The following TBC1D5 variants were observed in gnomAD, a reference collection of about 807,000 sequenced individuals.
The protein encoded by TBC1D5 is TBC1 domain family member 5.
Under a neutral mutation model 100.3 loss-of-function variants are expected in TBC1D5, and 75 were observed. That is an observed-to-expected ratio of 0.75 (90% CI 0.62 to 0.91). TBC1D5 has a LOEUF of 0.91. Among genes scored for constraint, TBC1D5 ranks in the 40% least tolerant of loss-of-function variants. TBC1D5 has a pLI of 0.00. For synonymous variants in TBC1D5, 323 were observed against 325.6 expected (o/e 0.99, Z 0.09); for missense variants, 910 against 942.4 (o/e 0.97, Z 0.45).
chr3:17,533,957 G>A (rs1193906304), intron 2 of TBC1D5, among the ~76,000 whole-genome samples: 1 of 151,692 alleles, frequency 6.6e-6, no homozygotes. Context: ...TGTGAAGTAT[G>A]TGATTCTCTC....
chr3:17,161,086 T>C lies in TBC1D5; in HGVS notation c.2265A>G (p.Pro755=), dbSNP rs763821823. ...CCATCAGTGGATCTGAGAACACCAG[T>C]GGGGAGCAGACTGGGGCCTGGCTTT... Residue 755 remains proline (P), a synonymous_variant, in exon 22 of 22, where the codon CCA becomes CCG. Transcript: ENST00000253692. 12 of 1,614,008 alleles carry C rather than the reference T, an allele frequency of 7.4e-6. No homozygotes were observed. In the African/African-American group the frequency reaches 1.2e-4, roughly 16 times the overall value.
At chr3:17,553,613 G>A (rs2096491668) in intron 2 of TBC1D5, among the ~76,000 whole-genome samples, 1 of 152,050 alleles carries the variant, frequency 6.6e-6, no homozygotes, top group Non-Finnish European at 1.5e-5. Context: ...AACAAAATTT[G>A]ACTTGAATTG....
intron 9 of TBC1D5, among the ~76,000 whole-genome samples, chr3:17,383,431 G>A (rs1339087958): frequency 1.3e-5 from 2 of 151,610 alleles, no homozygotes; most frequent in African/African-American, 4.8e-5. Flanking sequence ...GTAATGAGAC[G>A]AGTCAAATAA....
chr3:17,407,774 C>G (rs1266756808), intron 4 of TBC1D5, among the ~76,000 whole-genome samples: 1 of 152,110 alleles, frequency 6.6e-6, no homozygotes, highest in Non-Finnish European at 1.5e-5. Context: ...TCCTCAAACA[C>G]AACAAGCCTT....
At chr3:17,694,984 T>A (rs2071782456) in intron 1 of TBC1D5, among the ~76,000 whole-genome samples, 1 of 152,118 alleles carries the variant, frequency 6.6e-6, no homozygotes, top group Non-Finnish European at 1.5e-5. Context: ...GAATTTCATA[T>A]CCAGCCAAAC....
chr3:17,359,861 T>C (rs1035620223), intron 13 of TBC1D5, among the ~76,000 whole-genome samples: 1 of 151,750 alleles, frequency 6.6e-6, no homozygotes, highest in Non-Finnish European at 1.5e-5. Flanking sequence ...AGTTGGAGAA[T>C]GGAAAAACGG....
At chr3:17,596,119 T>TG (rs1240693754) in intron 2 of TBC1D5, among the ~76,000 whole-genome samples, 29 of 151,890 alleles carry the variant, frequency 1.9e-4, no homozygotes, top group Admixed American at 1.9e-3. Flanking sequence ...TTTCCCCATG[T>TG]GGAAAAAAAG....
chr3:17,295,789 G>A (rs551644907), intron 14 of TBC1D5, among the ~76,000 whole-genome samples: 11 of 152,142 alleles, frequency 7.2e-5, no homozygotes, highest in East Asian at 3.9e-4. Context: ...TTTCTTGCCC[G>A]ACTCCCCAAA....
intron 19 of TBC1D5, among the ~76,000 whole-genome samples, chr3:17,176,331 C>T (rs1362996578): frequency 2.6e-5 from 4 of 152,164 alleles, no homozygotes; most frequent in African/African-American, 4.8e-5. Context: ...TAAGCTTCAT[C>T]CTACTGTTGT....
intron 1 of TBC1D5, chr3:17,644,029 A>G (rs888740509): frequency 6.6e-6 from 1 of 152,126 alleles, no homozygotes. Context: ...CCACATAAGC[A>G]TAAAATTATA....
chr3:17,720,623 C>T (rs1226903558), intron 1 of TBC1D5, among the ~76,000 whole-genome samples: 1 of 152,056 alleles, frequency 6.6e-6, no homozygotes, highest in Non-Finnish European at 1.5e-5. Context: ...GCTTGGGCAA[C>T]ATAGGGAGAC....
intron 1 of TBC1D5, among the ~76,000 whole-genome samples, chr3:17,648,883 T>A (rs2065264266): frequency 6.6e-6 from 1 of 152,168 alleles, no homozygotes; most frequent in Admixed American, 6.5e-5. Context: ...TTGGTGGGAA[T>A]GTACATTAGT....
rs983861617 is a variant in TBC1D5, at chr3:17,215,124, G to A, written c.1589-754C>T. ...GGAAGCTATGGGATGTCACTAGAGG[G>A]TTTGAGGAGAGGAGTGACATGATTT... On this transcript the variant is annotated intron_variant, in intron 17 of 21. Coordinates refer to ENST00000253692, the Ensembl canonical transcript of TBC1D5. 3.9e-5 allele frequency among the ~76,000 whole-genome samples: 6 copies of A among 152,118 alleles called. No homozygotes were observed. In the East Asian group the frequency reaches 1.2e-3, roughly 29 times the overall value.
At chr3:17,283,410 G>C (rs536806708) in intron 15 of TBC1D5, among the ~76,000 whole-genome samples, 5 of 152,224 alleles carry the variant, frequency 3.3e-5, no homozygotes, top group Admixed American at 3.3e-4. Flanking sequence ...TGGTTCCCTT[G>C]GGTTCAACTA....
chr3:17,526,678 A>G (rs976514622), intron 2 of TBC1D5, among the ~76,000 whole-genome samples: 1 of 152,232 alleles, frequency 6.6e-6, no homozygotes, highest in Non-Finnish European at 1.5e-5. Context: ...AGTATTCAGA[A>G]TATCTGACAT....
At chr3:17,282,628 A>T (rs1416731364) in intron 15 of TBC1D5, among the ~76,000 whole-genome samples, 2 of 152,178 alleles carry the variant, frequency 1.3e-5, no homozygotes, top group Admixed American at 1.3e-4. Flanking sequence ...ACAAAGTTTC[A>T]TTGCTCTCTC....
chr3:17,426,559 C>T (rs1262507877), intron 4 of TBC1D5, among the ~76,000 whole-genome samples: 2 of 151,946 alleles, frequency 1.3e-5, no homozygotes, highest in East Asian at 3.9e-4. Flanking sequence ...AACATTACAA[C>T]ATTGATTTTT....
chr3:17,656,828 A>T (rs1560391234), intron 1 of TBC1D5, among the ~76,000 whole-genome samples: 1 of 151,230 alleles, frequency 6.6e-6, no homozygotes, highest in African/African-American at 2.4e-5. Context: ...CATACAGATG[A>T]ATATATATAT....
intron 4 of TBC1D5, among the ~76,000 whole-genome samples, chr3:17,410,715 A>G (rs2093901312): frequency 6.6e-6 from 1 of 152,158 alleles, no homozygotes; most frequent in Non-Finnish European, 1.5e-5. Context: ...GGGGAAAAAT[A>G]ACAAGAAAAC....
Sources: gnomAD v4.1 joint callset for allele counts (sites outside exome capture counted in the v4.1 genomes callset) on GRCh38, gnomAD v4.1.1 for gene constraint, MANE v1.5 for transcripts, NCBI Gene and HGNC (gene_info 2026-07-23, HGNC 2026-07-21) for gene names.